RNU11: variants seen among roughly 807,000 people sequenced by gnomAD.
RNU11 encodes RNA, U11 small nuclear.
At chr1:28,648,712 G>C (rs756986465) in exon 1 of RNU11, 1 of 153,718 alleles carries the variant, frequency 6.5e-6, no homozygotes, top group Non-Finnish European at 1.5e-5. Context: ...GGCAGCTGGT[G>C]ATCGTTGGTC....
exon 1 of RNU11, chr1:28,648,625 A>T (rs985621260): frequency 1.9e-5 from 3 of 158,008 alleles, no homozygotes; most frequent in Non-Finnish European, 4.2e-5. Context: ...CGTGAGTGGC[A>T]CACGTAGGGC....
chr1:28,648,691 T>C (rs1668282996), exon 1 of RNU11: 2 of 153,872 alleles, frequency 1.3e-5, no homozygotes, highest in African/African-American at 2.4e-5. Flanking sequence ...AGCATAATTT[T>C]TTGGTATTTG....
At chr1:28,648,694 G>T (rs1048535569) in exon 1 of RNU11, 1 of 153,794 alleles carries the variant, frequency 6.5e-6, no homozygotes, top group South Asian at 2.1e-4. Flanking sequence ...ATAATTTTTT[G>T]GTATTTGGGC....
chr1:28,648,640 CGA>C (rs1668275310), exon 1 of RNU11: 1 of 155,384 alleles, frequency 6.4e-6, no homozygotes, highest in Non-Finnish European at 1.4e-5. Flanking sequence ...TAGGGCAACT[CGA>C]TTGCTCTGCG....
chr1:28,648,647 T>G (rs528315170), exon 1 of RNU11: 2 of 155,042 alleles, frequency 1.3e-5, no homozygotes, highest in Non-Finnish European at 2.9e-5. Context: ...ACTCGATTGC[T>G]CTGCGTGCGG....
chr1:28,648,642 A>G (rs761841647), exon 1 of RNU11: 20 of 154,588 alleles, frequency 1.3e-4, no homozygotes, highest in South Asian at 6.2e-4. Context: ...GGGCAACTCG[A>G]TTGCTCTGCG....
chr1:28,648,717 T>G (rs1040086862), exon 1 of RNU11: 1 of 153,748 alleles, frequency 6.5e-6, no homozygotes, highest in South Asian at 2.1e-4. Context: ...CTGGTGATCG[T>G]TGGTCCCGGC....
rs142543926 is a variant in RNU11 at position 28,648,627 on chromosome 1, A to G, written n.28A>G. ...AAAGGGCTTCTGTCGTGAGTGGCACACGTAGGGCAACTCGATTGCTCTGCG... is the reference window on the plus strand; with the variant it reads ...AAAGGGCTTCTGTCGTGAGTGGCACGCGTAGGGCAACTCGATTGCTCTGCG... On this transcript the variant is annotated non_coding_transcript_exon_variant, in exon 1 of 1. Transcript: ENST00000387069. 25 of 157,030 alleles carry G rather than the reference A, an allele frequency of 1.6e-4. No homozygotes were observed. The South Asian group carries it at 1.8e-3, about 12-fold the overall frequency. 9.7% of individuals were successfully genotyped at this position (157,030 alleles called of 1,614,324 possible).
chr1:28,648,699 T>G (rs573033211), exon 1 of RNU11: 7 of 154,010 alleles, frequency 4.5e-5, no homozygotes, highest in South Asian at 2.1e-4. Context: ...TTTTTGGTAT[T>G]TGGGCAGCTG....
At chr1:28,648,640 C>T (rs75113560) in exon 1 of RNU11, 1,908 of 155,500 alleles carry the variant, frequency 0.012, 17 homozygotes, top group Non-Finnish European at 0.018. Context: ...TAGGGCAACT[C>T]GATTGCTCTG....
exon 1 of RNU11, chr1:28,648,694 G>A (rs1048535569): frequency 6.5e-6 from 1 of 153,794 alleles, no homozygotes; most frequent in Non-Finnish European, 1.5e-5. Flanking sequence ...ATAATTTTTT[G>A]GTATTTGGGC....
chr1:28,648,677 C>G (rs570607883), exon 1 of RNU11: 3 of 153,998 alleles, frequency 1.9e-5, no homozygotes, highest in African/African-American at 7.2e-5. Context: ...CAAGAGATTT[C>G]GGAAGCATAA....
exon 1 of RNU11, chr1:28,648,665 A>T (rs952852417): frequency 6.5e-6 from 1 of 154,298 alleles, no homozygotes; most frequent in Non-Finnish European, 1.5e-5. Context: ...CGGAATCGAC[A>T]TCAAGAGATT....
chr1:28,648,626 C>T (rs371179467), exon 1 of RNU11: 51 of 157,500 alleles, frequency 3.2e-4, no homozygotes, highest in Middle Eastern at 3.3e-3. Context: ...GTGAGTGGCA[C>T]ACGTAGGGCA....
At chr1:28,648,697 A>G (rs111868204) in exon 1 of RNU11, 1,848 of 153,812 alleles carry the variant, frequency 0.012, 12 homozygotes, top group South Asian at 0.02. Context: ...ATTTTTTGGT[A>G]TTTGGGCAGC....
exon 1 of RNU11, chr1:28,648,638 C>T (rs35910435): frequency 0.033 from 5,155 of 155,606 alleles, 119 homozygotes; most frequent in Non-Finnish European, 0.05. Flanking sequence ...CGTAGGGCAA[C>T]TCGATTGCTC....
exon 1 of RNU11, chr1:28,648,659 A>G (rs1057227802): frequency 6.5e-6 from 1 of 154,410 alleles, no homozygotes; most frequent in South Asian, 2.1e-4. Context: ...TGCGTGCGGA[A>G]TCGACATCAA....
chr1:28,648,667 CAA>C (rs1557481590), exon 1 of RNU11: 1 of 154,218 alleles, frequency 6.5e-6, no homozygotes, highest in African/African-American at 2.4e-5. Flanking sequence ...GAATCGACAT[CAA>C]GAGATTTCGG....
chr1:28,648,637 A>AG (rs1668274319), exon 1 of RNU11: 1 of 155,830 alleles, frequency 6.4e-6, no homozygotes, highest in Non-Finnish European at 1.4e-5. Flanking sequence ...ACGTAGGGCA[A>AG]CTCGATTGCT....
Sources: allele counts gnomAD v4.1 joint callset, GRCh38; gene constraint gnomAD v4.1.1; transcripts MANE v1.5; gene names NCBI Gene and HGNC (gene_info 2026-07-23, HGNC 2026-07-21).